ADAMTSL1: variants seen among roughly 807,000 people sequenced by gnomAD.
ADAMTSL1 encodes ADAMTS like 1.
In ADAMTSL1, 126 loss-of-function variants were observed where a neutral mutation model predicts 201.8. The ratio of observed to expected loss-of-function variants is 0.62; its 90% CI spans 0.54 to 0.72. The LOEUF (loss-of-function observed/expected upper bound fraction) is 0.72. ADAMTSL1 is among the 30% of genes least tolerant of loss of function. The pLI is 0.00. For missense variants in ADAMTSL1, 2,679 were observed against 2,277.8 expected, an observed-to-expected ratio of 1.18 and a Z score of -3.59; for synonymous variants, 1,121 against 903.4, an observed-to-expected ratio of 1.24 and a Z score of -4.32.
At chr9:18,809,772 A>G (rs1823390331) in intron 20 of ADAMTSL1, among the ~76,000 whole-genome samples, 1 of 152,144 alleles carries the variant, frequency 6.6e-6, no homozygotes, top group African/African-American at 2.4e-5. Flanking sequence ...CTGGGCAACA[A>G]GAGCGAAACT....
intron 1 of ADAMTSL1, among the ~76,000 whole-genome samples, chr9:17,972,614 C>T (rs1015529187): frequency 1.3e-5 from 2 of 151,924 alleles, no homozygotes; most frequent in Non-Finnish European, 2.9e-5. Context: ...AATAGTGCCA[C>T]TATATACATA....
At chr9:18,658,212 G>A (rs1437103022) in intron 8 of ADAMTSL1, among the ~76,000 whole-genome samples, 1 of 152,134 alleles carries the variant, frequency 6.6e-6, no homozygotes, top group Non-Finnish European at 1.5e-5. Flanking sequence ...CTGACCTCGT[G>A]ATCCGCCCAC....
chr9:18,777,008 G>T lies in ADAMTSL1; in HGVS notation c.2779G>T (p.Ala927Ser). 8 of 1,604,588 alleles carry T rather than the reference G, an allele frequency of 5.0e-6. No homozygotes were observed. Among genetic ancestry groups the T allele is most frequent in the Non-Finnish European group, 6.8e-6 (8 of 1,173,898 alleles). Reference protein sequence around the residue: ...HLISSTHVTVAPFGYLKIHRL... With the variant: ...HLISSTHVTVSPFGYLKIHRL... The stretch of plus-strand genomic sequence containing the variant: ...CATCAGCTCGACGCACGTCACGGTG[G>T]CCCCCTTCGGCTATCTCAAGATCCA... The change falls in exon 19 of 29, where the codon GCC (alanine) becomes TCC (serine). Residue 927 changes from alanine to serine, a missense_variant. Coordinates refer to ENST00000380548, the MANE Select transcript of ADAMTSL1 (RefSeq NM_001040272.6).
intron 1 of ADAMTSL1, among the ~76,000 whole-genome samples, chr9:18,072,089 G>C (rs1399533536): frequency 6.6e-6 from 1 of 152,076 alleles, no homozygotes; most frequent in African/African-American, 2.4e-5. Flanking sequence ...GCATTTTCCG[G>C]GTGGTCCAAA....
intron 1 of ADAMTSL1, among the ~76,000 whole-genome samples, chr9:18,029,858 C>T (rs1820867906): frequency 6.6e-6 from 1 of 152,096 alleles, no homozygotes; most frequent in African/African-American, 2.4e-5. Flanking sequence ...TACCATCTCA[C>T]ACCAGTTAGA....
intron 15 of ADAMTSL1, among the ~76,000 whole-genome samples, chr9:18,722,071 G>T (rs1587983735): frequency 6.6e-6 from 1 of 152,206 alleles, no homozygotes; most frequent in African/African-American, 2.4e-5. Context: ...AAGCAACTGG[G>T]TGGTATAATT....
chr9:18,698,908 C>T (rs1243510062), intron 13 of ADAMTSL1, among the ~76,000 whole-genome samples: 3 of 152,100 alleles, frequency 2.0e-5, no homozygotes, highest in Non-Finnish European at 4.4e-5. Context: ...TGGGACCCTC[C>T]GTTAGTAAGA....
chr9:18,126,352 T>C (rs1233364622), intron 1 of ADAMTSL1, among the ~76,000 whole-genome samples: 1 of 152,198 alleles, frequency 6.6e-6, no homozygotes, highest in Non-Finnish European at 1.5e-5. Context: ...TATAAGTAAC[T>C]CATTCCTTTT....
chr9:18,583,936 C>G (rs1342335500), intron 4 of ADAMTSL1, among the ~76,000 whole-genome samples: 1 of 152,164 alleles, frequency 6.6e-6, no homozygotes, highest in East Asian at 1.9e-4. Context: ...AACTAACGTG[C>G]TTTTGATTTT....
intron 6 of ADAMTSL1, among the ~76,000 whole-genome samples, chr9:18,636,250 T>G (rs1229706196): frequency 1.3e-5 from 2 of 152,186 alleles, no homozygotes; most frequent in African/African-American, 4.8e-5. Flanking sequence ...ATGCTCCCAA[T>G]GGGTTGTTCA....
At chr9:18,126,279 G>C (rs1825723512) in intron 1 of ADAMTSL1, among the ~76,000 whole-genome samples, 1 of 152,146 alleles carries the variant, frequency 6.6e-6, no homozygotes, top group Admixed American at 6.5e-5. Context: ...CCACCATCCA[G>C]ATCAAGTATC....
rs76063052 is a variant in ADAMTSL1, at chr9:18,416,558, T to G, written c.208-88271T>G. 7.0e-3 allele frequency among the ~76,000 whole-genome samples: 1,066 copies of G among 152,022 alleles called. 16 individuals carry two copies. Among genetic ancestry groups the G allele is most frequent in the African/African-American group, 0.024 (1,014 of 41,542 alleles). ...TTTAAATAAAAAGACACACATAGGTTTAAAGTAAAAGGATAGAAAAAGATA... is the reference window on the plus strand; with the variant it reads ...TTTAAATAAAAAGACACACATAGGTGTAAAGTAAAAGGATAGAAAAAGATA... On this transcript the variant is annotated intron_variant, in intron 2 of 29. Transcript: ENST00000680146.
chr9:18,309,836 A>G (rs2132781278), intron 2 of ADAMTSL1, among the ~76,000 whole-genome samples: 1 of 152,146 alleles, frequency 6.6e-6, no homozygotes, highest in South Asian at 2.1e-4. Flanking sequence ...AAAAAACACT[A>G]CTTCAAATTT....
chr9:18,506,382 C>A (rs1164959549), intron 2 of ADAMTSL1, among the ~76,000 whole-genome samples: 1 of 152,034 alleles, frequency 6.6e-6, no homozygotes, highest in Non-Finnish European at 1.5e-5. Context: ...AATTAGCATC[C>A]TTGAATATTT....
chr9:18,528,103 C>T (rs978834529), intron 2 of ADAMTSL1, among the ~76,000 whole-genome samples: 1 of 152,180 alleles, frequency 6.6e-6, no homozygotes, highest in African/African-American at 2.4e-5. Flanking sequence ...GTCTTGAACT[C>T]CTGACCTCAC....
chr9:18,034,286 G>T lies in ADAMTSL1; in HGVS notation c.87+127364G>T, dbSNP rs372621273. Among the ~76,000 whole-genome samples, 8 of 151,966 alleles carry T rather than the reference G, an allele frequency of 5.3e-5. 1 individual carries two copies. In the East Asian group the frequency reaches 1.2e-3, roughly 22 times the overall value. On this transcript the variant is annotated intron_variant, in intron 1 of 29. Coordinates refer to the ADAMTSL1 transcript ENST00000680146. ...CTGGGCCTTCTTTAGCTTGGCATCT[G>T]CCCTGTGGCTCCACTGAAACTCCTT...
intron 1 of ADAMTSL1, among the ~76,000 whole-genome samples, chr9:18,490,626 A>G (rs566529819): frequency 1.3e-5 from 2 of 152,330 alleles, no homozygotes; most frequent in East Asian, 3.9e-4. Context: ...ATCGGAGCAC[A>G]GAGAGAACAG....
intron 1 of ADAMTSL1, among the ~76,000 whole-genome samples, chr9:18,116,909 A>T (rs1381628271): frequency 6.6e-6 from 1 of 152,160 alleles, no homozygotes; most frequent in Non-Finnish European, 1.5e-5. Context: ...GACATCTCAC[A>T]TTTAAGTATC....
chr9:18,133,422 G>A (rs1015352258), intron 1 of ADAMTSL1, among the ~76,000 whole-genome samples: 1 of 151,952 alleles, frequency 6.6e-6, no homozygotes, highest in African/African-American at 2.4e-5. Flanking sequence ...CCAGGGTCTG[G>A]GCTAAACATT....
Sources: allele counts gnomAD v4.1 joint callset (sites outside exome capture counted in the v4.1 genomes callset), GRCh38; gene constraint gnomAD v4.1.1; transcripts MANE v1.5; gene names NCBI Gene and HGNC (gene_info 2026-07-23, HGNC 2026-07-21).